FAT3: variants seen among roughly 807,000 people sequenced by gnomAD.
FAT3 encodes the protein FAT atypical cadherin 3.
A neutral mutation model predicts 310.2 loss-of-function variants in FAT3; 95 were observed. The ratio of observed to expected loss-of-function variants is 0.31; its 90% CI spans 0.26 to 0.36. The LOEUF is 0.36. FAT3 is among the 10% of genes least tolerant of loss of function. The probability of loss-of-function intolerance (pLI) is 1.00; values close to 1 mark genes in which losing one functional copy is unlikely to be tolerated. For synonymous variants in FAT3, 2,314 were observed against 2,192.9 expected (o/e 1.06, Z -1.54); for missense variants, 5,408 against 5,715.6 (o/e 0.95, Z 1.74).
chr11:92,264,102 C>T (rs1945866278), intron 1 of FAT3, among the ~76,000 whole-genome samples: 1 of 152,154 alleles, frequency 6.6e-6, no homozygotes, highest in Non-Finnish European at 1.5e-5. Flanking sequence ...TCGACTCTAT[C>T]TGTGTGCCTC....
At chr11:92,536,170 CTT>C (rs1361279628) in intron 3 of FAT3, among the ~76,000 whole-genome samples, 8 of 151,858 alleles carry the variant, frequency 5.3e-5, no homozygotes, top group Non-Finnish European at 7.4e-5. Context: ...AATCCATAAA[CTT>C]TATTAATATT....
chr11:92,681,647 G>A (rs1291440850), intron 3 of FAT3, among the ~76,000 whole-genome samples: 1 of 152,212 alleles, frequency 6.6e-6, no homozygotes, highest in African/African-American at 2.4e-5. Flanking sequence ...GAAGGAAGTA[G>A]CAGAAATCTA....
Position 92,353,877 on chromosome 11 carries a change from T to C in FAT3, c.1765T>C (p.Tyr589His). The C allele has an allele frequency of 2.5e-6, 4 of 1,613,500 alleles. No individual in the cohort carries two copies. Among genetic ancestry groups the C allele is most frequent in the South Asian group, 1.1e-5 (1 of 91,072 alleles). The change falls in exon 2 of 28, where the codon TAT becomes CAT. Residue 589 changes from tyrosine to histidine, a missense_variant. This residue lies in a region of FAT3 where 4,588 missense variants were observed against 4,809.8 expected (regional missense o/e 0.95). Transcript: ENST00000525166. Reference sequence around the variant, plus strand: ...AGTGGCTTGCCAGGGAGTTATTTCATATGACTTTCCAGTTGGTGGTCACAT... The same window carrying C: ...AGTGGCTTGCCAGGGAGTTATTTCACATGACTTTCCAGTTGGTGGTCACAT... ...EKVACQGVIS[Y>H]DFPVGGHITA...
At chr11:92,430,253 G>T (rs1354624551) in intron 2 of FAT3, among the ~76,000 whole-genome samples, 1 of 152,098 alleles carries the variant, frequency 6.6e-6, no homozygotes, top group Non-Finnish European at 1.5e-5. Context: ...TCTCTAGACT[G>T]GTTATTCCAG....
chr11:92,724,846 G>A (rs1944956150), intron 4 of FAT3, among the ~76,000 whole-genome samples: 1 of 152,214 alleles, frequency 6.6e-6, no homozygotes, highest in South Asian at 2.1e-4. Context: ...CAAAGCCAGA[G>A]GAGCAGGAGA....
chr11:92,578,225 A>AT (rs72336204), intron 3 of FAT3, among the ~76,000 whole-genome samples: 112,696 of 151,970 alleles, frequency 0.74, 44,053 homozygotes, highest in Non-Finnish European at 0.88. Flanking sequence ...ACCAACACTG[A>AT]TAATAATATT....
At chr11:92,510,585 T>C (rs1188311870) in intron 2 of FAT3, among the ~76,000 whole-genome samples, 2 of 152,178 alleles carry the variant, frequency 1.3e-5, no homozygotes, top group African/African-American at 4.8e-5. Context: ...GAAAAGTTTA[T>C]CTTGAAAACT....
intron 3 of FAT3, among the ~76,000 whole-genome samples, chr11:92,529,244 T>G (rs1953984687): frequency 6.6e-6 from 1 of 152,230 alleles, no homozygotes; most frequent in South Asian, 2.1e-4. Flanking sequence ...TTATAAGCTA[T>G]GAACAGTGTA....
At chr11:92,675,618 A>G (rs1188458950) in intron 3 of FAT3, among the ~76,000 whole-genome samples, 1 of 152,154 alleles carries the variant, frequency 6.6e-6, no homozygotes, top group Non-Finnish European at 1.5e-5. Context: ...TAAGCAAACC[A>G]TTGCTGCTGC....
chr11:92,797,350 C>T (rs1565600949), intron 9 of FAT3, among the ~76,000 whole-genome samples: 1 of 152,142 alleles, frequency 6.6e-6, no homozygotes, highest in Non-Finnish European at 1.5e-5. Flanking sequence ...AATCAGAAAA[C>T]AACTGACTAC....
At chr11:92,434,473 C>G (rs1265075271) in intron 2 of FAT3, among the ~76,000 whole-genome samples, 1 of 152,122 alleles carries the variant, frequency 6.6e-6, no homozygotes, top group Non-Finnish European at 1.5e-5. Flanking sequence ...CAAGCTTGTC[C>G]TCACCCCTGA....
intron 2 of FAT3, among the ~76,000 whole-genome samples, chr11:92,418,419 A>ACCCCCCCC (rs1208826432): frequency 5.1e-5 from 2 of 39,486 alleles, no homozygotes; most frequent in Non-Finnish European, 5.5e-5. Flanking sequence ...AAAGTTAAAC[A>ACCCCCCCC]CCCCCCCCAC....
At chr11:92,641,070 C>G (rs1941945214) in intron 3 of FAT3, among the ~76,000 whole-genome samples, 1 of 152,068 alleles carries the variant, frequency 6.6e-6, no homozygotes, top group African/African-American at 2.4e-5. Context: ...ATAGCATGCA[C>G]CTGTAGTCCC....
intron 2 of FAT3, among the ~76,000 whole-genome samples, chr11:92,418,391 G>A (rs1950460694): frequency 1.4e-5 from 2 of 146,556 alleles, no homozygotes; most frequent in Admixed American, 6.9e-5. Context: ...TACAACAACA[G>A]CAACAAACTT....
chr11:92,256,988 C>A (rs543039215), intron 1 of FAT3, among the ~76,000 whole-genome samples: 1 of 152,162 alleles, frequency 6.6e-6, no homozygotes, highest in African/African-American at 2.4e-5. Context: ...GATGAACAAA[C>A]TTTGCTCCTC....
intron 3 of FAT3, among the ~76,000 whole-genome samples, chr11:92,623,700 T>C (rs1263413526): frequency 2.6e-5 from 4 of 152,138 alleles, no homozygotes; most frequent in Admixed American, 2.6e-4. Context: ...TCCCAGCACT[T>C]TGGGAGGCCA....
intron 3 of FAT3, among the ~76,000 whole-genome samples, chr11:92,640,927 C>T (rs2135727570): frequency 6.6e-6 from 1 of 152,272 alleles, no homozygotes; most frequent in Non-Finnish European, 1.5e-5. Context: ...GTGTTCTGGT[C>T]TGGGCATGGT....
At position 92,399,755 on chromosome 11, in the gene FAT3, T is replaced by C. The variant is rs1384659068; in HGVS notation, c.3292+44351T>C. Among the ~76,000 whole-genome samples the C allele has an allele frequency of 2.6e-5, 4 of 152,198 alleles. No homozygotes were observed. The East Asian group carries it at 7.7e-4, about 29-fold the overall frequency. ...AGTGGCAGTGGATTAAGGGAGCTTT[T>C]ACCTTTTAACAACCACTTACGCAAA... is the stretch of plus-strand genomic sequence containing the variant. On this transcript the variant is annotated intron_variant, in intron 2 of 27. Transcript: ENST00000525166.
chr11:92,342,321 C>T (rs1948285701), intron 1 of FAT3, among the ~76,000 whole-genome samples: 1 of 152,136 alleles, frequency 6.6e-6, no homozygotes, highest in Non-Finnish European at 1.5e-5. Context: ...CACTGGCTTT[C>T]CCCTTGCCCT....
Sources: allele counts gnomAD v4.1 joint callset (sites outside exome capture counted in the v4.1 genomes callset), GRCh38; gene constraint gnomAD v4.1.1; regional missense constraint gnomAD v4.1.1; transcripts MANE v1.5; gene names NCBI Gene and HGNC (gene_info 2026-07-23, HGNC 2026-07-21).